The following KIF21B variants were observed in gnomAD, a reference collection of about 807,000 sequenced individuals.
KIF21B encodes kinesin-like protein KIF21B.
In KIF21B, 85 loss-of-function variants were observed where a neutral mutation model predicts 192.9. The ratio of observed to expected loss-of-function variants is 0.44; its 90% CI spans 0.37 to 0.53. KIF21B has a LOEUF of 0.53. Among genes scored for constraint, KIF21B ranks in the 20% least tolerant of loss-of-function variants. The probability of loss-of-function intolerance (pLI) is 0.00; values close to 1 mark genes in which losing one functional copy is unlikely to be tolerated. For synonymous variants in KIF21B, 832 were observed against 884.6 expected (o/e 0.94, Z 1.05); for missense variants, 1,716 against 2,194.8 (o/e 0.78, Z 4.36).
In KIF21B at chr1:201,010,315, G is replaced by A. The variant is rs577147931; in HGVS notation, c.42-827C>T. On this transcript the variant is annotated intron_variant, in intron 1 of 34. Coordinates refer to ENST00000461742, the MANE Select transcript of KIF21B (RefSeq NM_001252102.2). ...AAGGGCAGGGACCTCTAGAAAGGAC[G>A]CCAGGCCAGCCTGGGGTGCGCTCCC... is the stretch of plus-strand genomic sequence containing the variant. Among the ~76,000 whole-genome samples the A allele has an allele frequency of 2.6e-5, 4 of 152,258 alleles. No homozygotes were observed. In the East Asian group the frequency reaches 5.8e-4, roughly 22 times the overall value.
chr1:200,992,193 C>A, intron 16 of KIF21B, 89 bp downstream of exon 16: 1 of 1,143,184 alleles, frequency 8.7e-7, no homozygotes. Flanking sequence ...GACTGAGGCC[C>A]GCTTGGTCAG....
intron 27 of KIF21B, 93 bp from the exon 28 acceptor site, chr1:200,983,187 G>A (rs375748473): frequency 4.6e-6 from 5 of 1,079,322 alleles, no homozygotes; most frequent in Non-Finnish European, 1.4e-6. Flanking sequence ...GGTGGTCAGA[G>A]GGCAGGTTAT....
rs539347045 is a variant in KIF21B, at chr1:200,970,416, G to A, written c.*3105C>T. 6.5e-6 allele frequency: 1 copy of A among 152,782 alleles called. No individual in the cohort carries two copies. The highest frequency in any genetic ancestry group is 2.1e-4 in the South Asian group (1 of 4,832). 9.5% of individuals were successfully genotyped at this position (152,782 alleles called of 1,614,324 possible). ...GCTGTCCCTTCCCAAGGGGCTGAAG[G>A]TGGCACTCTGACCACCTCAAAGGCT... On this transcript the variant is annotated 3_prime_UTR_variant, in exon 35 of 35. Transcript: ENST00000461742.
At chr1:201,007,091 GACAGACACAC>G (rs1481950318) in intron 3 of KIF21B, among the ~76,000 whole-genome samples, 8 of 95,060 alleles carry the variant, frequency 8.4e-5, no homozygotes, top group Admixed American at 6.5e-4. Context: ...CACACACAGA[GACAGACACAC>G]ACAGACACAC....
chr1:200,981,307 A>T (rs1467888538), intron 28 of KIF21B, among the ~76,000 whole-genome samples: 1 of 152,202 alleles, frequency 6.6e-6, no homozygotes, highest in Non-Finnish European at 1.5e-5. Context: ...ATCAGCAATC[A>T]TCAGTTGCCA....
chr1:201,017,686 G>A lies in KIF21B; in HGVS notation c.41+5657C>T, dbSNP rs748780268. On this transcript the variant is annotated intron_variant, in intron 1 of 34. Coordinates refer to ENST00000461742, the MANE Select transcript of KIF21B (RefSeq NM_001252102.2). The surrounding 1 kb of genome is among the most constrained non-coding windows in gnomAD (Gnocchi z 4.1). ...GCAGCAAGCCTCTCCCCACCACACC[G>A]GCCCTGGCCCCCTGCCCACACTGCA... 2.0e-5 allele frequency among the ~76,000 whole-genome samples: 3 copies of A among 152,182 alleles called. No homozygotes were observed. The highest frequency in any genetic ancestry group is 2.1e-4 in the South Asian group (1 of 4,836).
Position 200,973,593 on chromosome 1 carries a change from A to G in KIF21B, c.4815-15T>C. On this transcript the variant is annotated splice_polypyrimidine_tract_variant and intron_variant, in intron 34 of 34. Coordinates refer to ENST00000461742, the MANE Select transcript of KIF21B (RefSeq NM_001252102.2). ...CCGTCAGGTCACTGGGGTGGAGGAC[A>G]AAGTGGAGGGGTGCCGGTCAGCTCT... 6.6e-7 allele frequency: 1 copy of G among 1,522,284 alleles called. No homozygotes were observed. The highest frequency in any genetic ancestry group is 8.8e-7 in the Non-Finnish European group (1 of 1,142,742). The allele number at this position is 1,522,284 out of a possible 1,614,324, so 94.3% of individuals were successfully genotyped here.
Position 200,981,082 on chromosome 1 carries a change from G to A in KIF21B, c.3857C>T (p.Pro1286Leu), listed in dbSNP as rs756253893. Residue 1286 changes from proline (P) to leucine (L), a missense_variant, in exon 29 of 35, where the codon CCG becomes CTG. By Grantham distance (98) the Pro-to-Leu change is moderately conservative (BLOSUM62 -3). This residue lies in a region of KIF21B where 580 missense variants were observed against 775.5 expected (regional missense o/e 0.75). Coordinates refer to ENST00000461742, the MANE Select transcript of KIF21B (RefSeq NM_001252102.2). ...CCGTGCACCCTTGGCTCCTCCAACC[G>A]GGGAGATGATGCCCCTTCCCGGGAG... The part of the protein sequence containing the change: ...LSEVLRGIIS[P>L]VGGAKGARTA... 1.3e-5 allele frequency: 20 copies of A among 1,591,656 alleles called. No individual in the cohort carries two copies. Among genetic ancestry groups the A allele is most frequent in the Middle Eastern group, 1.7e-4 (1 of 6,004 alleles).
Position 200,992,284 on chromosome 1 carries a change from C to T in KIF21B, c.2383G>A (p.Glu795Lys), listed in dbSNP as rs1388574815. 2 of 1,611,372 alleles carry T rather than the reference C, an allele frequency of 1.2e-6. No homozygotes were observed. The highest frequency in any genetic ancestry group is 2.2e-5 in the South Asian group (2 of 91,090). ...GAGGCTCAAGGGCCACCCCTCACCT[C>T]CTGTCGCCGCTGCTCCTTCTTGAGC... Reference protein sequence around the residue: ...AQLKKEQRRQEFQIRALESQK... With the variant: ...AQLKKEQRRQKFQIRALESQK... The change falls in exon 16 of 35, where the codon GAG becomes AAG. Residue 795 changes from glutamate (E) to lysine (K), a missense_variant and splice_region_variant. Glu to Lys is a moderately conservative substitution (Grantham distance 56). This residue lies in a region of KIF21B where 1,087 missense variants were observed against 1,316.6 expected (regional missense o/e 0.83). Transcript: ENST00000461742.
At chr1:201,007,355 GACAC>G (rs1195343081) in intron 3 of KIF21B, among the ~76,000 whole-genome samples, 3 of 52,272 alleles carry the variant, frequency 5.7e-5, no homozygotes, top group African/African-American at 1.2e-4. Context: ...GAGACACATA[GACAC>G]ACACACACAC....
chr1:201,015,497 G>A (rs1219512895), intron 1 of KIF21B, among the ~76,000 whole-genome samples: 1 of 152,232 alleles, frequency 6.6e-6, no homozygotes, highest in African/African-American at 2.4e-5. Context: ...ACAGCCTAGG[G>A]AGGGACTGCA....
chr1:201,002,695 T>G, intron 8 of KIF21B: 1 of 250,178 alleles, frequency 4.0e-6, no homozygotes, highest in Non-Finnish European at 7.9e-6. Context: ...CATAAATGAG[T>G]CAGGCTGGTT....
rs781630039 is a variant in KIF21B at position 200,999,886 on chromosome 1, C to T, written c.1764G>A (p.Glu588=). The T allele has an allele frequency of 1.5e-5, 25 of 1,613,642 alleles. No individual in the cohort carries two copies. Among genetic ancestry groups the T allele is most frequent in the Non-Finnish European group, 1.9e-5 (22 of 1,180,016 alleles). The change falls in exon 12 of 35, where the codon GAG becomes GAA. Residue 588 remains glutamate (E), a synonymous_variant. Coordinates refer to ENST00000461742, the MANE Select transcript of KIF21B (RefSeq NM_001252102.2). This position sits in a 1 kb window ranked among gnomAD's most constrained non-coding sequence, Gnocchi z 4.7. Reference sequence around the variant, plus strand: ...TGGGGCGGCCCGTGCTCCTCACCTCCTCCGCCTCGTTCTCATCCGTCTCCT... The same window carrying T: ...TGGGGCGGCCCGTGCTCCTCACCTCTTCCGCCTCGTTCTCATCCGTCTCCT... ...NSEETDENEA[E]EEEEERDESG...
chr1:201,013,214 G>C (rs1322539405), intron 1 of KIF21B, among the ~76,000 whole-genome samples: 1 of 152,192 alleles, frequency 6.6e-6, no homozygotes, highest in African/African-American at 2.4e-5. Flanking sequence ...CATGAGACCA[G>C]GGTCCTTGCC....
In KIF21B at chr1:201,002,292, TTC is replaced by T; in HGVS notation, c.1269_1270del (p.Asn424CysfsTer48). On this transcript the variant is annotated frameshift_variant, in exon 9 of 35. Coordinates refer to ENST00000461742, the MANE Select transcript of KIF21B (RefSeq NM_001252102.2). LOFTEE classifies it high-confidence loss of function. Reference sequence around the variant, plus strand: ...CCCATTCTCCTTCTGTAGCATGGCATTCTCTCGGAACAGATCACTATAGCCCT... The same window carrying T: ...CCCATTCTCCTTCTGTAGCATGGCATTCTCGGAACAGATCACTATAGCCCT... 6.2e-7 allele frequency: 1 copy of T among 1,614,210 alleles called. No individual in the cohort carries two copies. The highest frequency in any genetic ancestry group is 8.5e-7 in the Non-Finnish European group (1 of 1,180,022).
intron 23 of KIF21B, 62 bp downstream of exon 23, chr1:200,988,431 C>T: frequency 1.2e-6 from 2 of 1,609,548 alleles, no homozygotes; most frequent in Admixed American, 1.7e-5. Flanking sequence ...TATGGCAACT[C>T]CTCCCACCAG....
At chr1:201,002,005 A>G in intron 9 of KIF21B, 156 bp downstream of exon 9, 1 of 630,936 alleles carries the variant, frequency 1.6e-6, no homozygotes, top group Non-Finnish European at 2.8e-6. Flanking sequence ...TGTGCCATAC[A>G]AAAATGTTTT....
chr1:201,001,469 C>T (rs1438732474), intron 9 of KIF21B: 1 of 152,662 alleles, frequency 6.6e-6, no homozygotes, highest in Non-Finnish European at 1.5e-5. Context: ...CAGCCTCAGC[C>T]TCCCGGGCTC....
rs561504096 is a variant in KIF21B, at chr1:200,991,110, G to C, written c.2494C>G (p.Arg832Gly). The C allele has an allele frequency of 3.7e-6, 6 of 1,613,622 alleles. No homozygotes were observed. Among genetic ancestry groups the C allele is most frequent in the Non-Finnish European group, 5.1e-6 (6 of 1,179,958 alleles). Reference protein sequence around the residue: ...LRRLAKPMSERVAGRAGLKPP... With the variant: ...LRRLAKPMSEGVAGRAGLKPP... Reference sequence around the variant, plus strand: ...TTTAGTCCTGCACGCCCTGCCACCCGCTCAGACATGGGCTTGGCCAGGCGC... The same window carrying C: ...TTTAGTCCTGCACGCCCTGCCACCCCCTCAGACATGGGCTTGGCCAGGCGC... Residue 832 changes from arginine (R) to glycine (G), a missense_variant, in exon 18 of 35, where the codon CGG (arginine) becomes GGG (glycine). Physicochemically the swap from Arg to Gly is moderately radical, Grantham distance 125. Around this residue, in one of 3 missense-constraint regions of KIF21B, gnomAD observed 1,087 missense variants for 1,316.6 expected, o/e 0.83. Coordinates refer to ENST00000461742, the MANE Select transcript of KIF21B (RefSeq NM_001252102.2).
Sources: allele counts gnomAD v4.1 joint callset (sites outside exome capture counted in the v4.1 genomes callset), GRCh38; gene constraint gnomAD v4.1.1; regional missense constraint gnomAD v4.1.1; non-coding constraint Gnocchi (gnomAD v3.1); transcripts MANE v1.5; gene names NCBI Gene and HGNC (gene_info 2026-07-23, HGNC 2026-07-21).